Variants in PCNX2 observed in about 807,000 individuals in gnomAD.
The protein encoded by PCNX2 is pecanex-like protein 2.
Under a neutral mutation model 223.8 loss-of-function variants are expected in PCNX2, and 168 were observed. The ratio of observed to expected loss-of-function variants is 0.75; its 90% CI spans 0.66 to 0.85. The LOEUF (loss-of-function observed/expected upper bound fraction) is 0.85. Ranked by LOEUF, PCNX2 falls within the 40% of genes least tolerant of loss-of-function variation. The probability of loss-of-function intolerance (pLI) is 0.00; values close to 1 mark genes in which losing one functional copy is unlikely to be tolerated. For synonymous variants in PCNX2, 1,006 were observed against 1,052.6 expected, an observed-to-expected ratio of 0.96 and a Z score of 0.86; for missense variants, 2,507 against 2,675.5, an observed-to-expected ratio of 0.94 and a Z score of 1.39.
intron 8 of PCNX2, among the ~76,000 whole-genome samples, chr1:233,243,392 C>T (rs1572139786): frequency 6.6e-6 from 1 of 152,308 alleles, no homozygotes; most frequent in East Asian, 1.9e-4. Context: ...GAATGGCTTA[C>T]AGCCCCAAGT....
chr1:233,108,005 C>T (rs576007024), intron 21 of PCNX2, among the ~76,000 whole-genome samples: 1 of 152,302 alleles, frequency 6.6e-6, no homozygotes, highest in East Asian at 1.9e-4. Context: ...CTCCCACCAG[C>T]GCCGTGACAG....
In PCNX2 at chr1:232,986,256, T is replaced by C. The variant is rs1294463272; in HGVS notation, c.6076A>G (p.Ser2026Gly). The C allele has an allele frequency of 6.4e-7, 1 of 1,561,200 alleles. No individual in the cohort carries two copies. The highest frequency in any genetic ancestry group is 8.7e-7 in the Non-Finnish European group (1 of 1,152,888). Residue 2026 changes from serine to glycine, a missense_variant, in exon 33 of 34, where the codon AGC becomes GGC. By Grantham distance (56) the Ser-to-Gly change is moderately conservative. This residue lies in a region of PCNX2 where 1,372 missense variants were observed against 1,509.4 expected (regional missense o/e 0.91). Transcript: ENST00000258229. The stretch of plus-strand genomic sequence containing the variant: ...CCGAAGAGGAAGCTCAGGGTGGAGC[T>C]GGTGGAGGAGCCCAGGCTGGACCTG... ...LIRSSLGSSTSSTLSFLFGKR... is the reference protein window; with the variant it reads ...LIRSSLGSSTGSTLSFLFGKR...
intron 23 of PCNX2, chr1:233,087,234 C>T (rs1177078037): frequency 2.0e-6 from 2 of 983,958 alleles, no homozygotes; most frequent in African/African-American, 3.5e-5. Context: ...GCAATAAAAA[C>T]CAAGGGACTG....
At position 233,179,310 on chromosome 1, in the gene PCNX2, C is replaced by T. The variant is rs1013937021; in HGVS notation, c.3067-135G>A. 5.1e-5 allele frequency: 46 copies of T among 896,474 alleles called. No individual in the cohort carries two copies. In the African/African-American group the frequency reaches 7.5e-4, roughly 15 times the overall value. The allele number at this position is 896,474 out of a possible 1,614,324, so 55.5% of individuals were successfully genotyped here. ...TCCCATGATTATTCCTGCCCACGGA[C>T]ATATAAGCATCTGGTGGGCACACAA... On this transcript the variant is annotated intron_variant, in intron 15 of 33. Transcript: ENST00000258229.
At chr1:233,011,433 C>T (rs1290729720) in intron 28 of PCNX2, among the ~76,000 whole-genome samples, 1 of 152,146 alleles carries the variant, frequency 6.6e-6, no homozygotes, top group African/African-American at 2.4e-5. Context: ...AAACCAAACC[C>T]CATTTTAAAA....
At chr1:233,238,840 C>T (rs1337103872) in intron 8 of PCNX2, among the ~76,000 whole-genome samples, 3 of 152,096 alleles carry the variant, frequency 2.0e-5, no homozygotes, top group East Asian at 1.9e-4. Context: ...AGAGTAAGTA[C>T]GTAGAGTTTG....
chr1:233,200,095 T>G, intron 14 of PCNX2, 59 bp downstream of exon 14: 1 of 1,337,640 alleles, frequency 7.5e-7, no homozygotes, highest in African/African-American at 1.5e-5. Context: ...CTAAGGCTAT[T>G]TAGTCCTTAT....
upstream of PCNX2, among the ~76,000 whole-genome samples, chr1:233,296,594 A>G (rs1266767270): frequency 1.3e-5 from 2 of 152,206 alleles, no homozygotes; most frequent in African/African-American, 4.8e-5. Flanking sequence ...GGGAAGAGAT[A>G]AAAAGGAGCT....
intron 3 of PCNX2, 94 bp from the exon 4 acceptor site, chr1:233,261,415 C>A: frequency 8.6e-7 from 1 of 1,168,092 alleles, no homozygotes; most frequent in Non-Finnish European, 1.3e-6. Context: ...CACTGATTTT[C>A]TAAATGGCAT....
intron 23 of PCNX2, among the ~76,000 whole-genome samples, chr1:233,070,832 C>T (rs184171228): frequency 3.3e-5 from 5 of 152,018 alleles, no homozygotes; most frequent in Admixed American, 2.6e-4. Context: ...GTCTGGAGAT[C>T]GAGACCATCC....
chr1:233,096,265 T>G (rs567998902), intron 21 of PCNX2, among the ~76,000 whole-genome samples: 1 of 152,330 alleles, frequency 6.6e-6, no homozygotes, highest in South Asian at 2.1e-4. Context: ...CCTCTTCAGC[T>G]GCTCCTACTG....
intron 25 of PCNX2, among the ~76,000 whole-genome samples, chr1:233,040,606 T>C (rs73105113): frequency 0.069 from 10,512 of 152,136 alleles, 966 homozygotes; most frequent in African/African-American, 0.21. Context: ...CCATGCTCCA[T>C]CTCATTGCCA....
chr1:233,297,092 C>CA (rs1662164315), upstream of PCNX2, among the ~76,000 whole-genome samples: 1 of 152,164 alleles, frequency 6.6e-6, no homozygotes, highest in South Asian at 2.1e-4. Context: ...TATATCTGCT[C>CA]AAAATGCTTG....
At chr1:233,213,198 T>G (rs894300335) in intron 12 of PCNX2, among the ~76,000 whole-genome samples, 16 of 152,140 alleles carry the variant, frequency 1.1e-4, no homozygotes, top group African/African-American at 3.6e-4. Flanking sequence ...ACCCTATATA[T>G]TTTTTTAAGT....
chr1:233,217,464 C>T (rs1004414829), intron 12 of PCNX2, among the ~76,000 whole-genome samples: 3 of 152,116 alleles, frequency 2.0e-5, no homozygotes, highest in African/African-American at 7.2e-5. Context: ...ATTATTTAAT[C>T]CATGTAGGCA....
chr1:233,047,815 C>G (rs1671870785), intron 25 of PCNX2, among the ~76,000 whole-genome samples: 1 of 152,010 alleles, frequency 6.6e-6, no homozygotes, highest in South Asian at 2.1e-4. Context: ...AGGCGGAAAA[C>G]TAACAAAGAA....
At chr1:233,150,828 A>C (rs573888723) in intron 19 of PCNX2, among the ~76,000 whole-genome samples, 1 of 152,156 alleles carries the variant, frequency 6.6e-6, no homozygotes, top group South Asian at 2.1e-4. Flanking sequence ...CGGCAGAATC[A>C]GTGTGAAATG....
At chr1:233,088,638 T>A (rs1673715463) in intron 23 of PCNX2, among the ~76,000 whole-genome samples, 1 of 152,182 alleles carries the variant, frequency 6.6e-6, no homozygotes, top group Non-Finnish European at 1.5e-5. Context: ...ACAAGAAATC[T>A]GCCAGAAACC....
At chr1:233,221,195 T>C (rs1180724763) in intron 10 of PCNX2, among the ~76,000 whole-genome samples, 1 of 152,156 alleles carries the variant, frequency 6.6e-6, no homozygotes, top group African/African-American at 2.4e-5. Context: ...AGTTGAATTT[T>C]TTTTTTTAAT....
Sources: gnomAD v4.1 joint callset for allele counts (sites outside exome capture counted in the v4.1 genomes callset) on GRCh38, gnomAD v4.1.1 for gene constraint, gnomAD v4.1.1 regional missense constraint, MANE v1.5 for transcripts, NCBI Gene and HGNC (gene_info 2026-07-23, HGNC 2026-07-21) for gene names.